Variants in PTPN4 observed in about 807,000 individuals in gnomAD.
PTPN4 encodes protein tyrosine phosphatase non-receptor type 4, also known as tyrosine-protein phosphatase non-receptor type 4.
Under a neutral mutation model 135.5 loss-of-function variants are expected in PTPN4, and 49 were observed. The observed-to-expected ratio is 0.36, with a 90% CI of 0.29 to 0.46. The LOEUF is 0.46. Ranked by LOEUF, PTPN4 falls within the 20% of genes least tolerant of loss-of-function variation. PTPN4 has a pLI of 1.00. For missense variants in PTPN4, 860 were observed against 1,101.0 expected, an observed-to-expected ratio of 0.78 and a Z score of 3.10; for synonymous variants, 333 against 369.9, an observed-to-expected ratio of 0.90 and a Z score of 1.14.
chr2:119,957,654 C>T (rs1040984911), intron 22 of PTPN4, among the ~76,000 whole-genome samples: 6 of 151,590 alleles, frequency 4.0e-5, no homozygotes, highest in Non-Finnish European at 7.4e-5. Flanking sequence ...CTATTTTTTT[C>T]TTAACTCTGT....
chr2:119,948,412 T>C (rs1254370919), intron 18 of PTPN4, among the ~76,000 whole-genome samples: 1 of 152,108 alleles, frequency 6.6e-6, no homozygotes, highest in African/African-American at 2.4e-5. Flanking sequence ...AATGGTGTGA[T>C]TTATAACTTT....
chr2:119,794,053 G>T (rs190423571), intron 1 of PTPN4, among the ~76,000 whole-genome samples: 1 of 151,708 alleles, frequency 6.6e-6, no homozygotes, highest in African/African-American at 2.4e-5. Context: ...TTGCCATATT[G>T]TCCAGGCTGG....
intron 11 of PTPN4, among the ~76,000 whole-genome samples, chr2:119,919,184 A>G (rs917840896): frequency 6.6e-6 from 1 of 152,202 alleles, no homozygotes; most frequent in Admixed American, 6.5e-5. Context: ...GAGCTGTGCA[A>G]TTATGGGATG....
At chr2:119,765,389 G>A (rs1483222556) in intron 1 of PTPN4, among the ~76,000 whole-genome samples, 4 of 152,158 alleles carry the variant, frequency 2.6e-5, no homozygotes, top group Non-Finnish European at 5.9e-5. Flanking sequence ...TAAAACCCTA[G>A]GACTGGGATA....
chr2:119,976,230 C>T (rs1026208166), intron 26 of PTPN4, among the ~76,000 whole-genome samples: 3 of 152,024 alleles, frequency 2.0e-5, no homozygotes, highest in African/African-American at 4.8e-5. Flanking sequence ...ATCTCCTGAC[C>T]TCGTGATCCA....
intron 3 of PTPN4, among the ~76,000 whole-genome samples, chr2:119,868,540 A>T (rs988585354): frequency 6.6e-6 from 1 of 152,224 alleles, no homozygotes; most frequent in African/African-American, 2.4e-5. Context: ...TGACATGTTC[A>T]TGTTGGCCAT....
At chr2:119,901,089 A>G (rs1678396606) in intron 10 of PTPN4, among the ~76,000 whole-genome samples, 1 of 152,224 alleles carries the variant, frequency 6.6e-6, no homozygotes. Flanking sequence ...CCCCAGGGCA[A>G]ATTGTTTTAC....
intron 1 of PTPN4, among the ~76,000 whole-genome samples, chr2:119,787,678 G>A (rs1691069925): frequency 6.6e-6 from 1 of 152,124 alleles, no homozygotes; most frequent in Admixed American, 6.5e-5. Context: ...GCAGCCTCTG[G>A]TGTCTGGCTC....
chr2:119,850,807 C>A (rs955711695), intron 2 of PTPN4, among the ~76,000 whole-genome samples: 2 of 152,200 alleles, frequency 1.3e-5, no homozygotes, highest in Non-Finnish European at 2.9e-5. Flanking sequence ...AGGAGCAGAT[C>A]CATAGAGTTC....
chr2:119,820,119 C>G (rs1677043947), intron 2 of PTPN4, among the ~76,000 whole-genome samples: 1 of 152,198 alleles, frequency 6.6e-6, no homozygotes, highest in Non-Finnish European at 1.5e-5. Flanking sequence ...CCTCGACCTC[C>G]CACACTGCTG....
intron 8 of PTPN4, among the ~76,000 whole-genome samples, chr2:119,883,983 T>G (rs935677059): frequency 6.6e-6 from 1 of 152,226 alleles, no homozygotes; most frequent in Non-Finnish European, 1.5e-5. Flanking sequence ...CACTGCAAGC[T>G]CCGCCTCCCG....
chr2:119,955,323 T>G lies in PTPN4; in HGVS notation c.1980T>G (p.Asp660Glu). The part of the protein sequence containing the change: ...LITGTVLTQF[D>E]QLYRKKPGMT... ...CTGGAACAGTCCTGACACAGTTTGA[T>G]GTAAGTAATATCATTATATATTAAA... Residue 660 changes from aspartate (D) to glutamate (E), a missense_variant and splice_region_variant, in exon 20 of 27, where the codon GAT (aspartate) becomes GAG (glutamate). Transcript: ENST00000263708. 1 of 1,574,312 alleles carries G rather than the reference T, an allele frequency of 6.4e-7. No individual in the cohort carries two copies. Among genetic ancestry groups the G allele is most frequent in the Non-Finnish European group, 8.6e-7 (1 of 1,164,656 alleles).
At chr2:119,946,609 T>A in intron 18 of PTPN4, 35 bp downstream of exon 18, 1 of 1,408,396 alleles carries the variant, frequency 7.1e-7, no homozygotes, top group Non-Finnish European at 1.0e-6. Flanking sequence ...AAATCCTGTT[T>A]TCAAGAATAT....
At chr2:119,873,651 G>T (rs1393064807) in intron 3 of PTPN4, among the ~76,000 whole-genome samples, 3 of 152,138 alleles carry the variant, frequency 2.0e-5, no homozygotes, top group African/African-American at 7.2e-5. Flanking sequence ...CATGAATGGG[G>T]TTGATGATGT....
At chr2:119,976,918 T>G (rs938053785) in intron 26 of PTPN4, 66 bp from the exon 27 acceptor site, 56 of 1,549,698 alleles carry the variant, frequency 3.6e-5, no homozygotes, top group Admixed American at 9.1e-5. Context: ...TTGTCTTTTT[T>G]GGGGGGAGAG....
chr2:119,964,959 G>A (rs951533860), intron 24 of PTPN4, among the ~76,000 whole-genome samples: 3 of 152,118 alleles, frequency 2.0e-5, no homozygotes, highest in African/African-American at 7.2e-5. Flanking sequence ...TTTAATGATC[G>A]CAGGGTACCG....
At chr2:119,919,953 C>T in intron 11 of PTPN4, 116 bp from the exon 12 acceptor site, 1 of 1,353,492 alleles carries the variant, frequency 7.4e-7, no homozygotes, top group East Asian at 2.6e-5. Flanking sequence ...CTATCTATAT[C>T]ATTAACAAGT....
chr2:119,775,801 G>A (rs1690823963), intron 1 of PTPN4, among the ~76,000 whole-genome samples: 1 of 104,938 alleles, frequency 9.5e-6, no homozygotes, highest in Admixed American at 1.2e-4. Context: ...AAGAGATTGT[G>A]GATATCTATA....
At chr2:119,931,498 A>G (rs1678907373) in intron 13 of PTPN4, among the ~76,000 whole-genome samples, 1 of 131,592 alleles carries the variant, frequency 7.6e-6, no homozygotes, top group East Asian at 2.2e-4. Context: ...GTTGGAATGC[A>G]GTGGTGCTAT....
Sources: allele counts gnomAD v4.1 joint callset (sites outside exome capture counted in the v4.1 genomes callset), GRCh38; gene constraint gnomAD v4.1.1; transcripts MANE v1.5; gene names NCBI Gene and HGNC (gene_info 2026-07-23, HGNC 2026-07-21).